The following UBE2O variants were observed in gnomAD, a reference collection of about 807,000 sequenced individuals.
The protein encoded by UBE2O is ubiquitin conjugating enzyme E2 O, also known as (E3-independent) E2 ubiquitin-conjugating enzyme.
UBE2O carries 15 observed loss-of-function variants against 125.8 expected under a neutral mutation model. That is an observed-to-expected ratio of 0.12 (90% CI 0.08 to 0.18). UBE2O has a LOEUF of 0.18. Ranked by LOEUF, UBE2O falls within the 10% of genes least tolerant of loss-of-function variation. The pLI is 1.00. For synonymous variants in UBE2O, 708 were observed against 703.2 expected (o/e 1.01, Z -0.11); for missense variants, 1,280 against 1,723.6 (o/e 0.74, Z 4.56).
intron 1 of UBE2O, among the ~76,000 whole-genome samples, chr17:76,428,255 A>G (rs1310057165): frequency 6.6e-6 from 1 of 152,206 alleles, no homozygotes; most frequent in Non-Finnish European, 1.5e-5. Flanking sequence ...CTGGAATCAC[A>G]CAATGTGCCA....
intron 5 of UBE2O, chr17:76,401,810 A>T (rs1181444566): frequency 3.7e-6 from 1 of 268,158 alleles, no homozygotes; most frequent in African/African-American, 2.6e-5. Context: ...CGGGAGGTGG[A>T]GGTTGCAGTG....
intron 1 of UBE2O, among the ~76,000 whole-genome samples, chr17:76,443,217 T>C (rs2073101370): frequency 6.6e-6 from 1 of 152,188 alleles, no homozygotes; most frequent in South Asian, 2.1e-4. Context: ...TTTGGTATGG[T>C]CAATATTTTT....
intron 1 of UBE2O, among the ~76,000 whole-genome samples, chr17:76,425,215 G>A (rs2072787995): frequency 8.7e-6 from 1 of 115,266 alleles, no homozygotes; most frequent in Admixed American, 1.0e-4. Flanking sequence ...ACTTCTCAAG[G>A]TCCTTTCGAC....
At chr17:76,393,868 C>A (rs1164239173) in intron 15 of UBE2O, among the ~76,000 whole-genome samples, 1 of 152,226 alleles carries the variant, frequency 6.6e-6, no homozygotes, top group Non-Finnish European at 1.5e-5. Context: ...AGAGCGCTAG[C>A]TGGGGCGAGG....
chr17:76,416,049 A>G (rs1454544598), intron 1 of UBE2O, among the ~76,000 whole-genome samples: 15 of 151,970 alleles, frequency 9.9e-5, no homozygotes, highest in Admixed American at 9.8e-4. Context: ...GTGTGTACAT[A>G]TGTACATACA....
intron 1 of UBE2O, among the ~76,000 whole-genome samples, chr17:76,421,683 T>A (rs965380843): frequency 2.6e-5 from 4 of 152,170 alleles, no homozygotes; most frequent in Non-Finnish European, 5.9e-5. Context: ...CTATTTTCTA[T>A]TTTCCCAGGG....
chr17:76,411,260 G>T (rs1385184884), intron 1 of UBE2O, among the ~76,000 whole-genome samples: 1 of 152,164 alleles, frequency 6.6e-6, no homozygotes, highest in Non-Finnish European at 1.5e-5. Flanking sequence ...CAATCCTCCT[G>T]CCACCAAAGT....
chr17:76,393,000 G>C (rs1401064139), intron 15 of UBE2O, among the ~76,000 whole-genome samples: 1 of 151,690 alleles, frequency 6.6e-6, no homozygotes, highest in African/African-American at 2.4e-5. Flanking sequence ...GCTCACACCT[G>C]TAATCCCAGC....
chr17:76,425,401 C>A (rs452868), intron 1 of UBE2O, among the ~76,000 whole-genome samples: 133,903 of 152,018 alleles, frequency 0.88, 59,103 homozygotes, highest in East Asian at 1. Flanking sequence ...TTAACAAAAA[C>A]AGGCAGTCCC....
chr17:76,417,277 G>A (rs755284610), intron 1 of UBE2O, among the ~76,000 whole-genome samples: 13 of 152,346 alleles, frequency 8.5e-5, no homozygotes, highest in East Asian at 1.9e-4. Flanking sequence ...GAAAGTCAAC[G>A]ACATCCCTGG....
At chr17:76,401,176 G>T in intron 5 of UBE2O, 22 bp from the exon 6 acceptor site, 1 of 1,611,498 alleles carries the variant, frequency 6.2e-7, no homozygotes, top group Non-Finnish European at 8.5e-7. Flanking sequence ...GGGGCCAAAG[G>T]AAAGTCCCCG....
chr17:76,403,307 T>C (rs1418654527), intron 3 of UBE2O, among the ~76,000 whole-genome samples: 3 of 152,152 alleles, frequency 2.0e-5, no homozygotes, highest in African/African-American at 7.2e-5. Context: ...TCTTGCTCTA[T>C]TGCCCAGGCT....
intron 15 of UBE2O, among the ~76,000 whole-genome samples, chr17:76,393,429 T>C (rs2072149765): frequency 6.6e-6 from 1 of 151,744 alleles, no homozygotes; most frequent in Non-Finnish European, 1.5e-5. Flanking sequence ...GAGACGGGGT[T>C]TCACCATGTT....
intron 1 of UBE2O, among the ~76,000 whole-genome samples, chr17:76,441,985 C>T (rs185436886): frequency 8.5e-5 from 13 of 152,324 alleles, no homozygotes; most frequent in African/African-American, 2.9e-4. Flanking sequence ...TAGAGAGCCT[C>T]GTTCGTACTT....
At chr17:76,429,523 C>T (rs1480582397) in intron 1 of UBE2O, among the ~76,000 whole-genome samples, 1 of 110,148 alleles carries the variant, frequency 9.1e-6, no homozygotes, top group Non-Finnish European at 1.7e-5. Flanking sequence ...GCCTGGGTGA[C>T]AGAGTGAGAC....
rs750013336 is a variant in UBE2O at position 76,391,140 on chromosome 17, C to A, written c.3682G>T (p.Val1228Leu). The A allele has an allele frequency of 3.7e-6, 6 of 1,613,846 alleles. No homozygotes were observed. In the Admixed American group the frequency reaches 8.3e-5, roughly 22 times the overall value. ...QTSETAPDAS[V>L]PPSVKPKKRR... Reference sequence around the variant, plus strand: ...TTCTTTGGTTTCACACTGGGTGGCACCGATGCGTCTGGTGCGGTCTCCGAA... The same window carrying A: ...TTCTTTGGTTTCACACTGGGTGGCAACGATGCGTCTGGTGCGGTCTCCGAA... Residue 1228 changes from valine (V) to leucine (L), a missense_variant, in exon 18 of 18, where the codon GTG becomes TTG. Val to Leu is a conservative substitution (Grantham distance 32). Coordinates refer to ENST00000319380, the MANE Select transcript of UBE2O (RefSeq NM_022066.4). This position sits in a 1 kb window ranked among gnomAD's most constrained non-coding sequence, Gnocchi z 8.4.
At position 76,399,434 on chromosome 17, in the gene UBE2O, C is replaced by T. The variant is rs540563772; in HGVS notation, c.1628+15G>A. ...ACGCTGACGCCATTGGGGAGGGGCA[C>T]AACTCTGAGTTTACCTGTCCCCTGG... On this transcript the variant is annotated intron_variant, in intron 9 of 17. Coordinates refer to ENST00000319380, the MANE Select transcript of UBE2O (RefSeq NM_022066.4). The surrounding 1 kb of genome is among the most constrained non-coding windows in gnomAD (Gnocchi z 6.9). 41 of 1,610,466 alleles carry T rather than the reference C, an allele frequency of 2.5e-5. No individual in the cohort carries two copies. The highest frequency in any genetic ancestry group is 3.5e-5 in the Non-Finnish European group (41 of 1,177,314).
At position 76,391,495 on chromosome 17, in the gene UBE2O, C is replaced by T; in HGVS notation, c.3327G>A (p.Val1109=). The change falls in exon 18 of 18, where the codon GTG becomes GTA. Residue 1109 remains valine (V), a synonymous_variant. Coordinates refer to ENST00000319380, the MANE Select transcript of UBE2O (RefSeq NM_022066.4). The surrounding 1 kb of genome is among the most constrained non-coding windows in gnomAD (Gnocchi z 8.4). Reference sequence around the variant, plus strand: ...GCCGCACCAGCTGGGTCATGGACTGCACCACGCGGATCAGCGCCATCTCAT... The same window carrying T: ...GCCGCACCAGCTGGGTCATGGACTGTACCACGCGGATCAGCGCCATCTCAT... ...CYNEMALIRV[V]QSMTQLVRRP... is the part of the protein sequence containing the mutation. 1 of 1,614,060 alleles carries T rather than the reference C, an allele frequency of 6.2e-7. No individual in the cohort carries two copies. Among genetic ancestry groups the T allele is most frequent in the South Asian group, 1.1e-5 (1 of 91,084 alleles).
chr17:76,393,250 CCT>C (rs1567829307), intron 15 of UBE2O, among the ~76,000 whole-genome samples: 1 of 149,586 alleles, frequency 6.7e-6, no homozygotes, highest in Non-Finnish European at 1.5e-5. Context: ...AGAGTGAGAC[CCT>C]GTCTTTTATT....
Sources: allele counts gnomAD v4.1 joint callset (sites outside exome capture counted in the v4.1 genomes callset), GRCh38; gene constraint gnomAD v4.1.1; non-coding constraint Gnocchi (gnomAD v3.1); transcripts MANE v1.5; gene names NCBI Gene and HGNC (gene_info 2026-07-23, HGNC 2026-07-21).